GREB1L: variants seen among roughly 807,000 people sequenced by gnomAD.
GREB1L encodes the protein GREB1-like protein.
In GREB1L, 17 loss-of-function variants were observed where a neutral mutation model predicts 200.8. The observed-to-expected ratio is 0.08, with a 90% CI of 0.06 to 0.13. The LOEUF (loss-of-function observed/expected upper bound fraction) is 0.13, where lower values mean the gene tolerates loss of function less well. GREB1L is among the 10% of genes least tolerant of loss of function. The pLI, the probability that GREB1L is intolerant of heterozygous loss-of-function variation, is 1.00. For missense variants in GREB1L, 1,657 were observed against 2,367.7 expected, an observed-to-expected ratio of 0.70 and a Z score of 6.23; for synonymous variants, 789 against 893.0, an observed-to-expected ratio of 0.88 and a Z score of 2.08.
chr18:21,271,569 T>C (rs1285826895), intron 1 of GREB1L, among the ~76,000 whole-genome samples: 2 of 151,050 alleles, frequency 1.3e-5, no homozygotes, highest in South Asian at 2.1e-4. Context: ...GGAGGATACC[T>C]TGGGCCCAGG....
At chr18:21,500,458 C>T in intron 22 of GREB1L, 82 bp from the exon 23 acceptor site, 2 of 1,060,902 alleles carry the variant, frequency 1.9e-6, no homozygotes, top group South Asian at 2.7e-5. Flanking sequence ...CACTGCAGAG[C>T]CAAGGTGTGA....
rs1467818847 is a variant in GREB1L at position 21,508,288 on chromosome 18, G to C, written c.4530+9G>C. 2 of 1,551,496 alleles carry C rather than the reference G, an allele frequency of 1.3e-6. No individual in the cohort carries two copies. Among genetic ancestry groups the C allele is most frequent in the East Asian group, 2.4e-5 (1 of 40,926 alleles). On this transcript the variant is annotated intron_variant, in intron 26 of 32. Transcript: ENST00000424526. The stretch of plus-strand genomic sequence containing the variant: ...CCCTGGTTTCAGACAAGGTGGGTGA[G>C]AGCATCTGGACTGGCAGGCACCAGA...
chr18:21,443,110 G>A (rs1158452862), intron 10 of GREB1L, among the ~76,000 whole-genome samples: 1 of 152,044 alleles, frequency 6.6e-6, no homozygotes, highest in Non-Finnish European at 1.5e-5. Context: ...CATCATGTTG[G>A]CCAGGCTGGT....
intron 7 of GREB1L, 37 bp downstream of exon 7, chr18:21,404,031 A>T: frequency 6.5e-7 from 1 of 1,529,878 alleles, no homozygotes; most frequent in Admixed American, 2.0e-5. Context: ...CAAGCATCAC[A>T]TGTATATTTA....
rs185257313 is a variant in GREB1L, at chr18:21,294,254, A to G, written c.-120+51861A>G. The stretch of plus-strand genomic sequence containing the variant: ...ATAGTGGCATGTGAGGCTAGTGGCT[A>G]TCATTAGATAGCACAGCTCTAGAAA... On this transcript the variant is annotated intron_variant, in intron 1 of 32. Coordinates refer to ENST00000424526, the MANE Select transcript of GREB1L (RefSeq NM_001142966.3). 2.0e-3 allele frequency among the ~76,000 whole-genome samples: 300 copies of G among 152,270 alleles called. 1 individual carries two copies. Among genetic ancestry groups the G allele is most frequent in the African/African-American group, 6.5e-3 (271 of 41,544 alleles).
At chr18:21,316,518 C>T (rs1312999712) in intron 1 of GREB1L, among the ~76,000 whole-genome samples, 5 of 152,140 alleles carry the variant, frequency 3.3e-5, no homozygotes, top group African/African-American at 1.2e-4. Context: ...AATTAACAGG[C>T]AGAACATCAA....
intron 16 of GREB1L, among the ~76,000 whole-genome samples, chr18:21,476,121 G>A (rs982042557): frequency 3.3e-5 from 5 of 151,850 alleles, no homozygotes; most frequent in African/African-American, 1.2e-4. Context: ...AATAGTCATC[G>A]TGTATTACAT....
At chr18:21,518,335 CAAGATGCCAGTCTGGTCCTTTG>C in intron 31 of GREB1L, 101 bp downstream of exon 31, 1 of 1,107,584 alleles carries the variant, frequency 9.0e-7, no homozygotes, top group Non-Finnish European at 1.3e-6. Flanking sequence ...AAATATCAAT[CAAGATGCCAGTCTGGTCCTTTG>C]CCAGAACTTT....
intron 1 of GREB1L, among the ~76,000 whole-genome samples, chr18:21,279,770 A>G (rs774617686): frequency 6.6e-6 from 1 of 152,154 alleles, no homozygotes. Flanking sequence ...CCCAGCCATG[A>G]GAGTAGCTGG....
intron 1 of GREB1L, among the ~76,000 whole-genome samples, chr18:21,339,348 A>G (rs1196534021): frequency 6.6e-6 from 1 of 152,148 alleles, no homozygotes; most frequent in Non-Finnish European, 1.5e-5. Context: ...CTGACCTCAG[A>G]TATTTCTAAT....
chr18:21,390,538 G>C (rs1245791678), intron 4 of GREB1L, among the ~76,000 whole-genome samples: 2 of 152,164 alleles, frequency 1.3e-5, no homozygotes, highest in Admixed American at 1.3e-4. Context: ...GTTTGTTTTT[G>C]TTTTTGTTTT....
intron 12 of GREB1L, 126 bp downstream of exon 12, chr18:21,449,962 C>A (rs1288592418): frequency 8.0e-6 from 6 of 748,222 alleles, no homozygotes; most frequent in Non-Finnish European, 1.3e-5. Context: ...GGAGCTTGGG[C>A]TCATCCTCCT....
intron 1 of GREB1L, among the ~76,000 whole-genome samples, chr18:21,312,533 A>ATTTT (rs549390846): frequency 6.8e-6 from 1 of 147,726 alleles, no homozygotes; most frequent in African/African-American, 2.6e-5. Context: ...TTTATTCTTT[A>ATTTT]TTTTATTTAT....
chr18:21,396,784 C>T (rs1288683079), intron 5 of GREB1L, among the ~76,000 whole-genome samples: 1 of 152,076 alleles, frequency 6.6e-6, no homozygotes, highest in Admixed American at 6.6e-5. Flanking sequence ...AACATAGCTT[C>T]CCTATATCAC....
At chr18:21,301,951 G>T (rs1364233711) in intron 1 of GREB1L, among the ~76,000 whole-genome samples, 3 of 152,194 alleles carry the variant, frequency 2.0e-5, no homozygotes, top group Non-Finnish European at 4.4e-5. Context: ...AGGAAGAATG[G>T]ACTAAGGGAG....
chr18:21,520,391 T>C (rs944943123), intron 31 of GREB1L, among the ~76,000 whole-genome samples: 13 of 152,364 alleles, frequency 8.5e-5, no homozygotes, highest in African/African-American at 2.9e-4. Flanking sequence ...GTTTTTTAAA[T>C]TTGATAAAGA....
At chr18:21,477,061 G>C (rs1426472737) in intron 16 of GREB1L, 103 bp from the exon 17 acceptor site, 3 of 740,890 alleles carry the variant, frequency 4.0e-6, no homozygotes, top group Non-Finnish European at 6.1e-6. Flanking sequence ...CAATTGAAAA[G>C]AGATAGAAAA....
chr18:21,498,300 T>G (rs771560874), intron 21 of GREB1L, among the ~76,000 whole-genome samples: 7 of 152,146 alleles, frequency 4.6e-5, no homozygotes, highest in Non-Finnish European at 1.0e-4. Flanking sequence ...CTGTTGATAG[T>G]GACCCTCAGC....
chr18:21,516,692 C>G lies in GREB1L; in HGVS notation c.5209C>G (p.Leu1737Val), dbSNP rs1033722286. The G allele has an allele frequency of 2.1e-5, 32 of 1,551,210 alleles. No individual in the cohort carries two copies. ...CATCTGCCGCTTTAATAACTTCAGT[C>G]TCATGAAGAAACATGTTCAGGTTGG... ...LLICRFNNFS[L>V]MKKHVQVGGQ... The change falls in exon 30 of 33, where the codon CTC (leucine) becomes GTC (valine). Residue 1737 changes from leucine to valine, a missense_variant. By Grantham distance (32) the Leu-to-Val change is conservative. This residue lies in a region of GREB1L where 190 missense variants were observed against 230.2 expected (regional missense o/e 0.83). Transcript: ENST00000424526.
Sources: gnomAD v4.1 joint callset for allele counts (sites outside exome capture counted in the v4.1 genomes callset) on GRCh38, gnomAD v4.1.1 for gene constraint, gnomAD v4.1.1 regional missense constraint, MANE v1.5 for transcripts, NCBI Gene and HGNC (gene_info 2026-07-23, HGNC 2026-07-21) for gene names.